The following APLP2 variants were observed in gnomAD, a reference collection of about 807,000 sequenced individuals.
The protein encoded by APLP2 is CDEI box-binding protein.
APLP2 carries 53 observed loss-of-function variants against 89.9 expected under a neutral mutation model. That is an observed-to-expected ratio of 0.59 (90% confidence interval 0.47 to 0.74). The LOEUF (loss-of-function observed/expected upper bound fraction) is 0.74, where lower values mean the gene tolerates loss of function less well. Among genes scored for constraint, APLP2 ranks in the 30% least tolerant of loss-of-function variants. The pLI is 0.00. For synonymous variants in APLP2, 372 were observed against 348.6 expected, an observed-to-expected ratio of 1.07 and a Z score of -0.75; for missense variants, 973 against 975.9, an observed-to-expected ratio of 1.00 and a Z score of 0.04.
chr11:130,137,909 T>C lies in APLP2; in HGVS notation c.1837+2194T>C, dbSNP rs963243494. Among the ~76,000 whole-genome samples the C allele has an allele frequency of 3.9e-5, 6 of 152,354 alleles. No individual in the cohort carries two copies. The East Asian group carries it at 1.2e-3, about 29-fold the overall frequency. On this transcript the variant is annotated intron_variant, in intron 13 of 16. Transcript: ENST00000338167. ...AAGCACTATGTGGAATGCTTTGCAT[T>C]CTTGTCCCCATCTTAGTCCACTGAA... is the stretch of plus-strand genomic sequence containing the variant.
intron 1 of APLP2, among the ~76,000 whole-genome samples, chr11:130,085,377 G>A (rs1943942378): frequency 6.6e-6 from 1 of 152,074 alleles, no homozygotes; most frequent in Admixed American, 6.5e-5. Context: ...GCTTGAACCT[G>A]GGAGGCAGAG....
intron 4 of APLP2, among the ~76,000 whole-genome samples, chr11:130,121,179 C>G (rs1294512881): frequency 2.0e-5 from 3 of 152,176 alleles, no homozygotes; most frequent in Non-Finnish European, 1.5e-5. Flanking sequence ...GGACTGCATG[C>G]CATCTCACTT....
intron 7 of APLP2, among the ~76,000 whole-genome samples, chr11:130,125,584 T>C (rs1950288293): frequency 6.6e-6 from 1 of 152,220 alleles, no homozygotes; most frequent in South Asian, 2.1e-4. Flanking sequence ...AAAAGATGCT[T>C]CCGACAGAAA....
chr11:130,117,811 G>T (rs1172431754), intron 3 of APLP2, among the ~76,000 whole-genome samples: 1 of 152,132 alleles, frequency 6.6e-6, no homozygotes, highest in Non-Finnish European at 1.5e-5. Flanking sequence ...AGTGGCTCAC[G>T]CCTGTAATCC....
chr11:130,126,766 A>T lies in APLP2; in HGVS notation c.1157A>T (p.Glu386Val), dbSNP rs760590049. ...VYFETSADDN[E>V]HARFQKAKEQ... The stretch of plus-strand genomic sequence containing the variant: ...TTCGAGACCTCTGCAGATGATAATG[A>T]GCATGCTCGCTTCCAGAAGGCTAAG... Residue 386 changes from glutamate (E) to valine (V), a missense_variant, in exon 8 of 17, where the codon GAG becomes GTG. Coordinates refer to ENST00000338167, the MANE Select transcript of APLP2 (RefSeq NM_001142276.2). 5.6e-6 allele frequency: 9 copies of T among 1,614,216 alleles called. No individual in the cohort carries two copies. The South Asian group carries it at 9.9e-5, about 18-fold the overall frequency.
rs746914635 is a variant in APLP2, at chr11:130,135,671, C to T, written c.1793C>T (p.Pro598Leu). 5.6e-6 allele frequency: 9 copies of T among 1,613,894 alleles called. No individual in the cohort carries two copies. Among genetic ancestry groups the T allele is most frequent in the Admixed American group, 3.3e-5 (2 of 59,998 alleles). ...VSSEESEEIP[P>L]FHPFHPFPAL... ...TCTGAGGAGAGTGAGGAGATCCCACCGTTCCACCCCTTCCACCCCTTCCCA... is the reference window on the plus strand; with the variant it reads ...TCTGAGGAGAGTGAGGAGATCCCACTGTTCCACCCCTTCCACCCCTTCCCA... Residue 598 changes from proline to leucine, a missense_variant, in exon 13 of 17, where the codon CCG becomes CTG. Transcript: ENST00000338167.
At chr11:130,071,213 G>T (rs891734835) in intron 1 of APLP2, among the ~76,000 whole-genome samples, 4 of 150,870 alleles carry the variant, frequency 2.7e-5, no homozygotes, top group African/African-American at 4.9e-5. Flanking sequence ...TTCTTTTAAA[G>T]ACCTCAGGTT....
chr11:130,110,243 T>C (rs1363199363), intron 2 of APLP2, among the ~76,000 whole-genome samples: 1 of 152,248 alleles, frequency 6.6e-6, no homozygotes, highest in Non-Finnish European at 1.5e-5. Flanking sequence ...ACAAGCAAAC[T>C]TGACATCTCA....
rs1036881140 is a variant in APLP2 at position 130,141,297 on chromosome 11, G to C, written c.1924-201G>C. 1.7e-5 allele frequency: 10 copies of C among 580,410 alleles called. No individual in the cohort carries two copies. In the African/African-American group the frequency reaches 1.9e-4, roughly 11 times the overall value. 36.0% of individuals were successfully genotyped at this position (580,410 alleles called of 1,614,324 possible). A position where few individuals can be genotyped will look rare whatever the true frequency, so the allele number is the denominator to read the frequency against. ...ATACGGGACCAGCTGCCATAATATA[G>C]TCTTCCCTCCATACCTGCCCCTTCA... On this transcript the variant is annotated intron_variant, in intron 14 of 16. Transcript: ENST00000338167. The surrounding 1 kb of genome is among the most constrained non-coding windows in gnomAD (Gnocchi z 4.2).
At chr11:130,121,524 A>T in intron 4 of APLP2, 90 bp from the exon 5 acceptor site, 1 of 1,393,686 alleles carries the variant, frequency 7.2e-7, no homozygotes, top group Non-Finnish European at 9.4e-7. Flanking sequence ...GTGATTTGAT[A>T]AGGGTTTATT....
chr11:130,085,254 AG>A (rs1299262081), intron 1 of APLP2, among the ~76,000 whole-genome samples: 11 of 152,232 alleles, frequency 7.2e-5, no homozygotes, highest in Non-Finnish European at 1.6e-4. Context: ...GTTTGAGACC[AG>A]CTTGGCCAAC....
rs191954422 is a variant in APLP2, at chr11:130,109,669, G to A, written c.279+67G>A. The A allele has an allele frequency of 7.0e-5, 103 of 1,478,010 alleles. 1 individual carries two copies. The Admixed American group carries it at 2.2e-3, about 31-fold the overall frequency. 91.6% of individuals were successfully genotyped at this position (1,478,010 alleles called of 1,614,324 possible). A position where few individuals can be genotyped will look rare whatever the true frequency, so the allele number is the denominator to read the frequency against. On this transcript the variant is annotated intron_variant, in intron 2 of 16. Coordinates refer to ENST00000338167, the MANE Select transcript of APLP2 (RefSeq NM_001142276.2). ...GGCAGGGTTGAATCTGTTTACCTTA[G>A]AAATAGATATTCTGTCATTCTCTTT... is the stretch of plus-strand genomic sequence containing the variant.
chr11:130,097,792 T>G (rs1465328505), intron 1 of APLP2, among the ~76,000 whole-genome samples: 1 of 152,240 alleles, frequency 6.6e-6, no homozygotes, highest in Non-Finnish European at 1.5e-5. Context: ...AAGGTTGTTC[T>G]TGGTTAATAT....
chr11:130,105,979 A>G (rs1947688112), intron 1 of APLP2, among the ~76,000 whole-genome samples: 1 of 152,150 alleles, frequency 6.6e-6, no homozygotes, highest in East Asian at 1.9e-4. Flanking sequence ...CTGAGATTAC[A>G]GATGTGAGCC....
intron 1 of APLP2, among the ~76,000 whole-genome samples, chr11:130,092,503 C>G (rs1187040076): frequency 1.5e-4 from 21 of 141,276 alleles, no homozygotes; most frequent in Admixed American, 1.4e-3. Flanking sequence ...GCGGATCACT[C>G]GCGGTTAGGG....
At chr11:130,076,343 G>A (rs1565546442) in intron 1 of APLP2, among the ~76,000 whole-genome samples, 1 of 152,156 alleles carries the variant, frequency 6.6e-6, no homozygotes, top group African/African-American at 2.4e-5. Context: ...CCAAAGTGCT[G>A]GGATTACAGG....
In APLP2 at chr11:130,070,033, T is replaced by G; in HGVS notation, c.56T>G (p.Leu19Arg). Residue 19 changes from leucine to arginine, a missense_variant, in exon 1 of 17, where the codon CTG (leucine) becomes CGG (arginine). By Grantham distance (102) the Leu-to-Arg change is moderately radical (BLOSUM62 -2). Coordinates refer to ENST00000338167, the MANE Select transcript of APLP2 (RefSeq NM_001142276.2). Reference sequence around the variant, plus strand: ...GCCACGGGCAGGCTCCTGCTTCTGCTGCTGGTGGGGCTCACGGCGCCTGCC... The same window carrying G: ...GCCACGGGCAGGCTCCTGCTTCTGCGGCTGGTGGGGCTCACGGCGCCTGCC... ...AAATGRLLLL[L>R]LVGLTAPALA... is the part of the protein sequence containing the mutation. 1 of 1,515,434 alleles carries G rather than the reference T, an allele frequency of 6.6e-7. No individual in the cohort carries two copies. The highest frequency in any genetic ancestry group is 8.8e-7 in the Non-Finnish European group (1 of 1,139,420). The allele number at this position is 1,515,434 out of a possible 1,614,324, so 93.9% of individuals were successfully genotyped here.
chr11:130,078,778 A>T (rs1394274516), intron 1 of APLP2, among the ~76,000 whole-genome samples: 2 of 151,952 alleles, frequency 1.3e-5, no homozygotes, highest in Non-Finnish European at 1.5e-5. Flanking sequence ...CTGTGCGTGA[A>T]TCTGTTCCTG....
intron 14 of APLP2, 188 bp downstream of exon 14, chr11:130,140,671 A>G (rs1264774133): frequency 2.4e-6 from 1 of 425,024 alleles, no homozygotes; most frequent in East Asian, 3.8e-5. Context: ...AAAGGATTAA[A>G]AAGCCCTTTT....
Sources: gnomAD v4.1 joint callset for allele counts (sites outside exome capture counted in the v4.1 genomes callset) on GRCh38, gnomAD v4.1.1 for gene constraint, Gnocchi (gnomAD v3.1) non-coding constraint, MANE v1.5 for transcripts, NCBI Gene and HGNC (gene_info 2026-07-23, HGNC 2026-07-21) for gene names.